Variants in AVEN observed in about 807,000 individuals in gnomAD.
AVEN encodes apoptosis and caspase activation inhibitor.
In AVEN, 41 loss-of-function variants were observed where a neutral mutation model predicts 38.1. That is an observed-to-expected ratio of 1.08 (90% CI 0.84 to 1.40). The LOEUF is 1.40. Ranked by LOEUF, AVEN falls within the 40% of genes most tolerant of loss-of-function variation. The probability of loss-of-function intolerance (pLI) is 0.00; values close to 1 mark genes in which losing one functional copy is unlikely to be tolerated. For synonymous variants in AVEN, 206 were observed against 171.8 expected (o/e 1.20, Z -1.56); for missense variants, 605 against 438.8 (o/e 1.38, Z -3.38).
At chr15:33,977,863 G>A (rs115987706) in intron 2 of AVEN, among the ~76,000 whole-genome samples, 98 of 152,148 alleles carry the variant, frequency 6.4e-4, no homozygotes, top group African/African-American at 2.3e-3. Context: ...CTTGAGCCCA[G>A]GAGGTCAAAG....
At chr15:33,856,652 TTG>T (rs1555495222), downstream of AVEN, 6 of 154,344 alleles carry the variant, frequency 3.9e-5, no homozygotes, top group Non-Finnish European at 8.5e-5. Flanking sequence ...TTTGGGTTTT[TTG>T]TTTGTTTGTT....
chr15:33,853,256 CTTCA>C, the AVEN span, among the ~76,000 whole-genome samples: 4 of 152,148 alleles, frequency 2.6e-5, no homozygotes, highest in Admixed American at 6.5e-5. Flanking sequence ...AGGTTTTTGG[CTTCA>C]TTCATATACT....
Position 33,866,681 on chromosome 15 carries a change from G to GCTCAGGTTCCATGTTTTTTTCTTCAGT in AVEN, c.994_1020dup (p.Thr332_Glu340dup), listed in dbSNP as rs1567382298. On this transcript the variant is annotated inframe_insertion, in exon 6 of 6. Coordinates refer to ENST00000306730, the MANE Select transcript of AVEN (RefSeq NM_020371.3). The stretch of plus-strand genomic sequence containing the variant: ...GTAACATTTTTGGAGGTACTTGGTT[G>GCTCAGGTTCCATGTTTTTTTCTTCAGT]CTCAGGTTCCATGTTTTTTTCTTCA... The GCTCAGGTTCCATGTTTTTTTCTTCAGT allele has an allele frequency of 1.2e-6, 2 of 1,613,984 alleles. No individual in the cohort carries two copies. Among genetic ancestry groups the GCTCAGGTTCCATGTTTTTTTCTTCAGT allele is most frequent in the South Asian group, 2.2e-5 (2 of 91,064 alleles).
At chr15:33,859,228 A>T (rs942581196) in intron 11 of AVEN, 2 of 215,658 alleles carry the variant, frequency 9.3e-6, no homozygotes, top group African/African-American at 4.6e-5. Context: ...CACAGCCTGA[A>T]GGCCAGGCTA....
Position 33,867,660 on chromosome 15 carries a change from T to G in AVEN, c.808A>C (p.Lys270Gln). ...GCTGACTGCAGTGGGGAAGTGGGTT[T>G]CTGAGAATCCCTTGAAGGACCCGGG... The part of the protein sequence containing the change: ...PSPGPSRDSQ[K>Q]PTSPLQSAGD... Residue 270 changes from lysine (K) to glutamine (Q), a missense_variant, in exon 5 of 6, where the codon AAA (lysine) becomes CAA (glutamine). Transcript: ENST00000306730. The G allele has an allele frequency of 6.2e-7, 1 of 1,614,162 alleles. No homozygotes were observed.
At chr15:33,854,057 G>A (rs771047470), downstream of AVEN, among the ~76,000 whole-genome samples, 62 of 152,154 alleles carry the variant, frequency 4.1e-4, no homozygotes, top group Middle Eastern at 6.8e-3. Context: ...GTAGCTAGGC[G>A]TGGTGGTGGG....
intron 2 of AVEN, among the ~76,000 whole-genome samples, chr15:33,944,758 G>T (rs1031958330): frequency 1.3e-4 from 19 of 151,678 alleles, no homozygotes; most frequent in African/African-American, 4.6e-4. Context: ...GCAGTGAGCC[G>T]AGATCGCGCT....
At position 34,063,032 on chromosome 15, in the gene AVEN, T is replaced by C. The variant is rs1415053115; in HGVS notation, n.1527A>G. On this transcript the variant is annotated non_coding_transcript_exon_variant, in exon 5 of 12. Transcript: ENST00000675287. The surrounding 1 kb of genome is among the most constrained non-coding windows in gnomAD (Gnocchi z 4.1). The stretch of plus-strand genomic sequence containing the variant: ...CTCTCGGGAGTCTGGCTTGTGACCT[T>C]TGGCTTGCACTGGACTACGTGGCCA... 8 of 1,614,102 alleles carry C rather than the reference T, an allele frequency of 5.0e-6. No individual in the cohort carries two copies. Among genetic ancestry groups the C allele is most frequent in the African/African-American group, 1.3e-5 (1 of 74,944 alleles).
chr15:33,958,015 G>A (rs965310140), intron 2 of AVEN, among the ~76,000 whole-genome samples: 7 of 152,258 alleles, frequency 4.6e-5, no homozygotes, highest in South Asian at 4.1e-4. Flanking sequence ...CTTACGGTCC[G>A]TCAAGCCATC....
At chr15:33,937,265 T>C (rs1894110292) in intron 2 of AVEN, among the ~76,000 whole-genome samples, 1 of 151,674 alleles carries the variant, frequency 6.6e-6, no homozygotes, top group Non-Finnish European at 1.5e-5. Flanking sequence ...CCGGGCACGG[T>C]GGCTCACGCC....
the AVEN span, chr15:33,852,960 C>T: frequency 8.6e-7 from 1 of 1,156,338 alleles, no homozygotes; most frequent in Non-Finnish European, 1.3e-6. Context: ...GATCCCAGAT[C>T]CAGGCACTCA....
At chr15:33,852,975 G>C in the AVEN span, 1 of 1,366,744 alleles carries the variant, frequency 7.3e-7, no homozygotes, top group East Asian at 2.4e-5. Context: ...CACTCAAACT[G>C]AAACGTTTCT....
In AVEN at chr15:33,867,729, C is replaced by T. The variant is rs1009275017; in HGVS notation, c.739G>A (p.Val247Met). 2 of 1,614,204 alleles carry T rather than the reference C, an allele frequency of 1.2e-6. No individual in the cohort carries two copies. The highest frequency in any genetic ancestry group is 1.7e-6 in the Non-Finnish European group (2 of 1,180,036). The change falls in exon 5 of 6, where the codon GTG becomes ATG. Residue 247 changes from valine to methionine, a missense_variant. Transcript: ENST00000306730. ...AGCAACACAGGGCAGCCAGCAGCCA[C>T]AGATTTCAGCTCAAAGATGGGCCCC... is the stretch of plus-strand genomic sequence containing the variant. The part of the protein sequence containing the change: ...GRGPIFELKS[V>M]AAGCPVLLGK...
rs10459652 is a variant in AVEN, at chr15:33,868,266, G to A, written c.613-411C>T. Among the ~76,000 whole-genome samples, 3,622 of 152,226 alleles carry A rather than the reference G, an allele frequency of 0.024. 257 individuals are homozygous for A. In the East Asian group the frequency reaches 0.3, roughly 12 times the overall value. ...TGGCCAGGCGCAGTGGCTCATGCCTGTAATCCCAGCACTTTGGGAGGCCAA... is the reference window on the plus strand; with the variant it reads ...TGGCCAGGCGCAGTGGCTCATGCCTATAATCCCAGCACTTTGGGAGGCCAA... On this transcript the variant is annotated intron_variant, in intron 4 of 5. Transcript: ENST00000306730.
intron 11 of AVEN, chr15:33,860,929 A>C (rs1218327611): frequency 1.7e-6 from 1 of 575,224 alleles, no homozygotes; most frequent in African/African-American, 2.6e-5. Context: ...ACTAATAGCC[A>C]ATGTATGGCA....
At chr15:33,864,736 C>G (rs144221514), downstream of AVEN, 5 of 188,592 alleles carry the variant, frequency 2.7e-5, no homozygotes, top group East Asian at 6.8e-4. Context: ...TTACAGTTCA[C>G]TCATTCAATG....
downstream of AVEN, among the ~76,000 whole-genome samples, chr15:33,857,276 C>T (rs897270467): frequency 3.3e-5 from 5 of 151,518 alleles, no homozygotes; most frequent in Non-Finnish European, 5.9e-5. Context: ...TCCTCAGGGG[C>T]CTCTCTGTGG....
At chr15:34,031,244 A>G (rs60880416) in intron 1 of AVEN, among the ~76,000 whole-genome samples, 17,150 of 132,228 alleles carry the variant, frequency 0.13, 1,186 homozygotes, top group East Asian at 0.35. Flanking sequence ...GCGCGATCTC[A>G]GCTCACTGCA....
At chr15:34,055,673 T>C (rs1404362644) in intron 5 of AVEN, among the ~76,000 whole-genome samples, 1 of 143,800 alleles carries the variant, frequency 7.0e-6, no homozygotes, top group South Asian at 2.2e-4. Context: ...TGGTGGCGGG[T>C]GCCTGTAGCC....
Sources: gnomAD v4.1 joint callset for allele counts (sites outside exome capture counted in the v4.1 genomes callset) on GRCh38, gnomAD v4.1.1 for gene constraint, Gnocchi (gnomAD v3.1) non-coding constraint, MANE v1.5 for transcripts, NCBI Gene and HGNC (gene_info 2026-07-23, HGNC 2026-07-21) for gene names.